TANGO6: variants seen among roughly 807,000 people sequenced by gnomAD.
TANGO6 encodes transport and golgi organization 6 homolog.
Under a neutral mutation model 114.2 loss-of-function variants are expected in TANGO6, and 90 were observed. The observed-to-expected ratio is 0.79, with a 90% CI of 0.66 to 0.94. The LOEUF is 0.94. Ranked by LOEUF, TANGO6 falls within the 40% of genes least tolerant of loss-of-function variation. The pLI is 0.00. For missense variants in TANGO6, 1,274 were observed against 1,315.3 expected, an observed-to-expected ratio of 0.97 and a Z score of 0.49; for synonymous variants, 477 against 509.8, an observed-to-expected ratio of 0.94 and a Z score of 0.87.
At chr16:68,973,949 T>A in intron 14 of TANGO6, 79 bp from the exon 15 acceptor site, 1 of 1,486,912 alleles carries the variant, frequency 6.7e-7, no homozygotes, top group Non-Finnish European at 9.2e-7. Context: ...TCTGCGTTCA[T>A]CCCATCACAG....
At chr16:68,883,896 C>G (rs1444233583) in intron 7 of TANGO6, among the ~76,000 whole-genome samples, 1 of 151,990 alleles carries the variant, frequency 6.6e-6, no homozygotes, top group Admixed American at 6.6e-5. Context: ...CAAACTCATT[C>G]TCCATAGCAT....
rs535262771 is a variant in TANGO6 at position 69,024,270 on chromosome 16, C to CT, written c.2994+1305dup. Reference sequence around the variant, plus strand: ...TCTATGAGTGTCTTTCTCTAGCCCCCTTTTTTTTTTTTTTGAGACAGAGTC... The same window carrying CT: ...TCTATGAGTGTCTTTCTCTAGCCCCCTTTTTTTTTTTTTTTGAGACAGAGTC... On this transcript the variant is annotated intron_variant, in intron 16 of 17. Transcript: ENST00000261778. Among the ~76,000 whole-genome samples, 602 of 135,208 alleles carry CT rather than the reference C, an allele frequency of 4.5e-3. 5 individuals carry two copies. The highest frequency in any genetic ancestry group is 0.034 in the South Asian group (142 of 4,204). 88.7% of individuals were successfully genotyped at this position (135,208 alleles called of 152,430 possible). A position where few individuals can be genotyped will look rare whatever the true frequency, so the allele number is the denominator to read the frequency against.
chr16:69,069,110 G>A (rs1960261318), intron 17 of TANGO6, among the ~76,000 whole-genome samples: 2 of 152,136 alleles, frequency 1.3e-5, no homozygotes, highest in Non-Finnish European at 2.9e-5. Flanking sequence ...GGGGTTCCTA[G>A]AAGTGAAGTA....
At chr16:68,884,206 G>A (rs1031407733) in intron 7 of TANGO6, among the ~76,000 whole-genome samples, 3 of 151,972 alleles carry the variant, frequency 2.0e-5, no homozygotes, top group African/African-American at 4.8e-5. Flanking sequence ...CACCGTGCCC[G>A]GCCTCACTCA....
rs774435932 is a variant in TANGO6, at chr16:68,860,168, G to A, written c.379G>A (p.Glu127Lys). The A allele has an allele frequency of 3.1e-6, 5 of 1,614,010 alleles. No homozygotes were observed. Among genetic ancestry groups the A allele is most frequent in the South Asian group, 1.1e-5 (1 of 91,090 alleles). Residue 127 changes from glutamate to lysine, a missense_variant, in exon 2 of 18, where the codon GAA (glutamate) becomes AAA (lysine). Around this residue, in one of 5 missense-constraint regions of TANGO6, gnomAD observed 908 missense variants for 910.2 expected, o/e 1.00. Coordinates refer to ENST00000261778, the MANE Select transcript of TANGO6 (RefSeq NM_024562.2). ...NPGKPNPRTP[E>K]VAPALSPDAL... ...AGGTAAACCCAACCCTAGGACTCCG[G>A]AAGTTGCTCCTGCCCTGAGCCCCGA...
intron 15 of TANGO6, among the ~76,000 whole-genome samples, chr16:69,003,573 G>A (rs2152221882): frequency 6.6e-6 from 1 of 152,276 alleles, no homozygotes; most frequent in East Asian, 1.9e-4. Flanking sequence ...CAGTCTTACT[G>A]AAAGCAAACC....
intron 14 of TANGO6, among the ~76,000 whole-genome samples, chr16:68,963,521 A>G (rs1394886130): frequency 1.3e-5 from 2 of 152,218 alleles, no homozygotes; most frequent in African/African-American, 4.8e-5. Context: ...TCTGTTTATA[A>G]ATAAAGTGCT....
intron 14 of TANGO6, among the ~76,000 whole-genome samples, chr16:68,954,972 A>T (rs989254563): frequency 6.6e-6 from 1 of 152,228 alleles, no homozygotes; most frequent in African/African-American, 2.4e-5. Context: ...GAATGTTTTT[A>T]AAATTACATG....
At chr16:69,083,095 CTT>C (rs1201400628) in intron 17 of TANGO6, among the ~76,000 whole-genome samples, 16,849 of 119,932 alleles carry the variant, frequency 0.14, 1,132 homozygotes, top group African/African-American at 0.2. Context: ...GCATTATCTT[CTT>C]TTTTTTTTTT....
chr16:68,990,057 T>TGA (rs1054470524), intron 15 of TANGO6, among the ~76,000 whole-genome samples: 2 of 152,162 alleles, frequency 1.3e-5, no homozygotes, highest in Admixed American at 6.5e-5. Context: ...TGTGTGTGTG[T>TGA]GACTCTTGCT....
At chr16:68,846,959 C>G (rs999867441) in intron 1 of TANGO6, 4 of 150,854 alleles carry the variant, frequency 2.7e-5, no homozygotes, top group Non-Finnish European at 5.9e-5. Flanking sequence ...GGCGTGATCT[C>G]GGCTCATTGC....
At chr16:68,987,350 C>CTGT (rs1369316644) in intron 15 of TANGO6, among the ~76,000 whole-genome samples, 1 of 151,900 alleles carries the variant, frequency 6.6e-6, no homozygotes, top group Non-Finnish European at 1.5e-5. Context: ...AATTTTGTTG[C>CTGT]TGTTGTTGTT....
intron 7 of TANGO6, among the ~76,000 whole-genome samples, chr16:68,898,803 T>G (rs1039383545): frequency 6.6e-6 from 1 of 152,166 alleles, no homozygotes; most frequent in African/African-American, 2.4e-5. Context: ...CTCATTTTCT[T>G]TCTCTTTTTA....
At chr16:68,930,387 G>T in intron 14 of TANGO6, 92 bp downstream of exon 14, 1 of 1,033,002 alleles carries the variant, frequency 9.7e-7, no homozygotes, top group Non-Finnish European at 1.5e-6. Context: ...CTAGGGCCAG[G>T]AGACTACTGG....
intron 17 of TANGO6, among the ~76,000 whole-genome samples, chr16:69,042,328 C>T (rs1597069147): frequency 6.6e-6 from 1 of 152,056 alleles, no homozygotes; most frequent in South Asian, 2.1e-4. Flanking sequence ...GGGTGGATCA[C>T]CTGAGGTCGG....
intron 16 of TANGO6, among the ~76,000 whole-genome samples, chr16:69,024,121 C>T (rs1257750825): frequency 2.0e-5 from 3 of 151,686 alleles, no homozygotes; most frequent in Non-Finnish European, 2.9e-5. Flanking sequence ...AGGTTGGTCT[C>T]GAACTCCTGA....
At chr16:69,052,420 C>T (rs191708910) in intron 17 of TANGO6, among the ~76,000 whole-genome samples, 2 of 152,014 alleles carry the variant, frequency 1.3e-5, no homozygotes, top group African/African-American at 2.4e-5. Flanking sequence ...AAGCACACAC[C>T]ACCACACCCA....
At chr16:68,875,347 A>G in intron 5 of TANGO6, 57 bp downstream of exon 5, 8 of 1,576,062 alleles carry the variant, frequency 5.1e-6, no homozygotes, top group Non-Finnish European at 6.9e-6. Flanking sequence ...TTACAGAAAG[A>G]GGACTTTTAA....
chr16:68,898,739 A>G (rs1323877357), intron 7 of TANGO6, among the ~76,000 whole-genome samples: 1 of 152,166 alleles, frequency 6.6e-6, no homozygotes, highest in Admixed American at 6.6e-5. Flanking sequence ...TACTTGGAAG[A>G]TAAAAACCTA....
Sources: allele counts gnomAD v4.1 joint callset (sites outside exome capture counted in the v4.1 genomes callset), GRCh38; gene constraint gnomAD v4.1.1; regional missense constraint gnomAD v4.1.1; transcripts MANE v1.5; gene names NCBI Gene and HGNC (gene_info 2026-07-23, HGNC 2026-07-21).